PRAMEF19: variants seen among roughly 807,000 people sequenced by gnomAD.
The protein encoded by PRAMEF19 is PRAME family member 19, also known as PRAME family member-like.
Under a neutral mutation model 33.1 loss-of-function variants are expected in PRAMEF19, and 21 were observed. The observed-to-expected ratio is 0.63, with a 90% confidence interval of 0.45 to 0.91. The LOEUF (loss-of-function observed/expected upper bound fraction) is 0.91, where lower values mean the gene tolerates loss of function less well. Among genes scored for constraint, PRAMEF19 ranks in the 40% least tolerant of loss-of-function variants. The pLI, the probability that PRAMEF19 is intolerant of heterozygous loss-of-function variation, is 0.00. For synonymous variants in PRAMEF19, 179 were observed against 229.3 expected (o/e 0.78, Z 1.98); for missense variants, 481 against 585.2 (o/e 0.82, Z 1.84).
chr1:13,371,885 G>A lies in PRAMEF19; in HGVS notation c.16C>T (p.Pro6Ser), dbSNP rs1225797475. 13 of 1,611,856 alleles carry A rather than the reference G, an allele frequency of 8.1e-6. No homozygotes were observed. The East Asian group carries it at 2.9e-4, about 36-fold the overall frequency. ...CCTGCCAGCTCCAGGAGTCTGCGTG[G>A]GGCCTGGAAGCTCATCCTGATAAAT... The change falls in exon 1 of 3, where the codon CCA becomes TCA. Residue 6 changes from proline to serine, a missense_variant. By Grantham distance (74) the Pro-to-Ser change is moderately conservative. This residue lies in a region of PRAMEF19 where 77 missense variants were observed against 116.4 expected (regional missense o/e 0.66). Coordinates refer to ENST00000376101, the Ensembl canonical transcript of PRAMEF19.
At chr1:13,371,685 C>A (rs1228276160) in exon 1 of PRAMEF19, 4 of 1,610,380 alleles carry the variant, frequency 2.5e-6, no homozygotes, top group East Asian at 2.2e-5. Flanking sequence ...CCAGATCAGG[C>A]GTCTTCATCA....
chr1:13,371,544 G>T (rs1425438623), intron 1 of PRAMEF19, 70 bp downstream of exon 1: 7 of 1,607,642 alleles, frequency 4.4e-6, no homozygotes, highest in Non-Finnish European at 5.1e-6. Flanking sequence ...GCCACCCCAG[G>T]TTCCCAATTT....
At chr1:13,370,883 T>C (rs1228408454) in exon 2 of PRAMEF19, 9 of 1,613,818 alleles carry the variant, frequency 5.6e-6, no homozygotes, top group African/African-American at 1.3e-5. Flanking sequence ...GTTCCAAATT[T>C]CCAATACTTG....
exon 2 of PRAMEF19, chr1:13,370,745 G>A: frequency 1.2e-6 from 2 of 1,613,946 alleles, no homozygotes; most frequent in South Asian, 2.2e-5. Flanking sequence ...GCTGAATTCA[G>A]CAACTAACTG....
exon 2 of PRAMEF19, chr1:13,371,002 C>T (rs1209563902): frequency 1.2e-6 from 2 of 1,612,032 alleles, no homozygotes; most frequent in South Asian, 2.2e-5. Flanking sequence ...TTCTGTGCTG[C>T]ACCCACCCAG....
exon 3 of PRAMEF19, chr1:13,369,526 C>G (rs1486860604): frequency 6.2e-7 from 1 of 1,613,934 alleles, no homozygotes; most frequent in Non-Finnish European, 8.5e-7. Flanking sequence ...TACCATGACT[C>G]AGATTCAGCT....
downstream of PRAMEF19, among the ~76,000 whole-genome samples, chr1:13,368,557 T>C (rs1640627708): frequency 6.6e-6 from 1 of 152,194 alleles, no homozygotes; most frequent in Non-Finnish European, 1.5e-5. Flanking sequence ...TGAAACAGGC[T>C]AATCAATCAT....
exon 1 of PRAMEF19, chr1:13,371,856 C>G: frequency 6.2e-7 from 1 of 1,612,014 alleles, no homozygotes; most frequent in Non-Finnish European, 8.5e-7. Flanking sequence ...TCAGCAGGCT[C>G]TGCCCTGCCA....
Position 13,370,643 on chromosome 1 carries a change from C to T in PRAMEF19, c.866+6G>A. The T allele has an allele frequency of 6.2e-7, 1 of 1,613,742 alleles. No homozygotes were observed. Among genetic ancestry groups the T allele is most frequent in the Non-Finnish European group, 8.5e-7 (1 of 1,179,784 alleles). ...CCCCCAGAGAAAGCTCACCATCTTT[C>T]CTCACCTGATCAGCTGGTCCAGGTA... On this transcript the variant is annotated splice_donor_region_variant and intron_variant, in intron 2 of 2. Transcript: ENST00000376101.
chr1:13,369,538 C>T, exon 3 of PRAMEF19: 1 of 1,613,962 alleles, frequency 6.2e-7, no homozygotes, highest in Non-Finnish European at 8.5e-7. Context: ...GATTCAGCTG[C>T]TTCAGTTGAC....
downstream of PRAMEF19, chr1:13,368,968 A>G: frequency 1.3e-6 from 2 of 1,523,188 alleles, no homozygotes; most frequent in Admixed American, 2.1e-5. Context: ...TAAAAGCTGT[A>G]AAATTGTAAA....
At chr1:13,369,083 C>T (rs1375662458) in exon 3 of PRAMEF19, 52 of 1,611,964 alleles carry the variant, frequency 3.2e-5, no homozygotes, top group African/African-American at 1.3e-4. Flanking sequence ...AGGCCTTCCC[C>T]GCAAGCAAAA....
At chr1:13,369,451 C>A in exon 3 of PRAMEF19, 1 of 1,613,954 alleles carries the variant, frequency 6.2e-7, no homozygotes, top group South Asian at 1.1e-5. Context: ...AGAAGAGGGT[C>A]TGAAGAGTGG....
At chr1:13,371,029 T>G (rs1247146117) in exon 2 of PRAMEF19, 10 of 1,611,896 alleles carry the variant, frequency 6.2e-6, no homozygotes, top group Non-Finnish European at 6.8e-6. Context: ...AGCTCAGATC[T>G]TCATCCACGG....
chr1:13,369,509 C>G, exon 3 of PRAMEF19: 3 of 1,613,900 alleles, frequency 1.9e-6, no homozygotes, highest in Non-Finnish European at 2.5e-6. Flanking sequence ...ACGGATGAAG[C>G]GCAGTGTACC....
exon 2 of PRAMEF19, chr1:13,370,739 A>G: frequency 1.2e-6 from 2 of 1,613,954 alleles, no homozygotes; most frequent in South Asian, 1.1e-5. Context: ...CACAGAGCTG[A>G]ATTCAGCAAC....
intron 2 of PRAMEF19, among the ~76,000 whole-genome samples, chr1:13,370,233 C>T (rs1640653775): frequency 6.6e-6 from 1 of 152,296 alleles, no homozygotes; most frequent in East Asian, 1.9e-4. Flanking sequence ...TGCACTTTCT[C>T]TTCTTTTACA....
At chr1:13,370,149 G>T (rs1452648963) in intron 2 of PRAMEF19, among the ~76,000 whole-genome samples, 1 of 152,212 alleles carries the variant, frequency 6.6e-6, no homozygotes, top group East Asian at 1.9e-4. Context: ...TACAGACAGG[G>T]AATCAGAGAG....
At chr1:13,370,151 A>G (rs1173168973) in intron 2 of PRAMEF19, among the ~76,000 whole-genome samples, 1 of 152,250 alleles carries the variant, frequency 6.6e-6, no homozygotes, top group African/African-American at 2.4e-5. Flanking sequence ...CAGACAGGGA[A>G]TCAGAGAGAG....
Sources: allele counts gnomAD v4.1 joint callset (sites outside exome capture counted in the v4.1 genomes callset), GRCh38; gene constraint gnomAD v4.1.1; regional missense constraint gnomAD v4.1.1; transcripts MANE v1.5; gene names NCBI Gene and HGNC (gene_info 2026-07-23, HGNC 2026-07-21).